Variants in SMYD3 observed in about 807,000 individuals in gnomAD.
SMYD3 encodes histone-lysine N-methyltransferase SMYD3.
In SMYD3, 36 loss-of-function variants were observed where a neutral mutation model predicts 57.7. That is an observed-to-expected ratio of 0.62 (90% CI 0.48 to 0.82). The LOEUF (loss-of-function observed/expected upper bound fraction) is 0.82, where lower values mean the gene tolerates loss of function less well. SMYD3 is among the 40% of genes least tolerant of loss of function. The pLI, the probability that SMYD3 is intolerant of heterozygous loss-of-function variation, is 0.00. For missense variants in SMYD3, 515 were observed against 538.8 expected, an observed-to-expected ratio of 0.96 and a Z score of 0.44; for synonymous variants, 211 against 195.0, an observed-to-expected ratio of 1.08 and a Z score of -0.68.
intron 5 of SMYD3, among the ~76,000 whole-genome samples, chr1:246,067,039 A>C (rs1484352734): frequency 3.3e-5 from 5 of 152,234 alleles, no homozygotes. Flanking sequence ...AATAAAAGTA[A>C]AAATTCCGGT....
chr1:245,771,242 A>G (rs2046326215), intron 10 of SMYD3, among the ~76,000 whole-genome samples: 1 of 152,188 alleles, frequency 6.6e-6, no homozygotes, highest in Non-Finnish European at 1.5e-5. Flanking sequence ...CACAGAAACT[A>G]CAATAATTCA....
intron 7 of SMYD3, among the ~76,000 whole-genome samples, chr1:245,917,542 G>T (rs2055530108): frequency 1.3e-5 from 2 of 151,974 alleles, no homozygotes. Flanking sequence ...CTACCTCAAG[G>T]CCTGTGCACT....
At chr1:245,815,240 G>A (rs2048734847) in intron 10 of SMYD3, among the ~76,000 whole-genome samples, 1 of 152,204 alleles carries the variant, frequency 6.6e-6, no homozygotes, top group Admixed American at 6.5e-5. Context: ...ACACACACAG[G>A]AAGCAACTGT....
At chr1:245,806,669 G>A (rs1239266699) in intron 10 of SMYD3, among the ~76,000 whole-genome samples, 1 of 152,080 alleles carries the variant, frequency 6.6e-6, no homozygotes, top group Non-Finnish European at 1.5e-5. Context: ...CCAGCACTTT[G>A]GGAGGCCGAG....
chr1:245,978,023 G>A (rs1022389247), intron 5 of SMYD3, among the ~76,000 whole-genome samples: 2 of 152,218 alleles, frequency 1.3e-5, no homozygotes, highest in African/African-American at 4.8e-5. Flanking sequence ...TGCAAGCCCA[G>A]TCTCACCCCA....
intron 7 of SMYD3, among the ~76,000 whole-genome samples, chr1:245,920,429 A>C (rs957824806): frequency 1.4e-4 from 21 of 152,126 alleles, no homozygotes; most frequent in African/African-American, 4.8e-4. Flanking sequence ...TCTGAACTGG[A>C]AAAAAGCCTG....
chr1:246,058,781 T>C (rs536518512), intron 5 of SMYD3, among the ~76,000 whole-genome samples: 2 of 152,214 alleles, frequency 1.3e-5, no homozygotes, highest in African/African-American at 4.8e-5. Context: ...ATTTTCAAAA[T>C]TAAATAGTAT....
intron 5 of SMYD3, among the ~76,000 whole-genome samples, chr1:246,013,270 C>A (rs57285525): frequency 0.032 from 4,888 of 152,310 alleles, 256 homozygotes; most frequent in African/African-American, 0.11. Context: ...ACCTCCACCT[C>A]CTGGGTTCAA....
chr1:246,141,051 G>A (rs1331302963), intron 5 of SMYD3, among the ~76,000 whole-genome samples: 2 of 152,280 alleles, frequency 1.3e-5, no homozygotes, highest in South Asian at 4.1e-4. Flanking sequence ...CAAGTGGGCA[G>A]GCTTCATTCA....
At chr1:246,260,236 C>T (rs2063979649) in intron 5 of SMYD3, among the ~76,000 whole-genome samples, 1 of 152,158 alleles carries the variant, frequency 6.6e-6, no homozygotes, top group Non-Finnish European at 1.5e-5. Context: ...TTGCGTGGCT[C>T]AGGCTGCTGA....
intron 10 of SMYD3, among the ~76,000 whole-genome samples, chr1:245,812,165 G>A (rs762194331): frequency 6.6e-6 from 1 of 152,114 alleles, no homozygotes; most frequent in East Asian, 1.9e-4. Flanking sequence ...ACTTTACCTC[G>A]GTGGACCTTT....
rs200209841 is a variant in SMYD3, at chr1:246,442,548, C to CA, written c.164+64505dup. 1.2e-4 allele frequency among the ~76,000 whole-genome samples: 17 copies of CA among 144,080 alleles called. 1 individual carries two copies. The South Asian group carries it at 1.3e-3, about 11-fold the overall frequency. The allele number at this position is 144,080 out of a possible 152,430, so 94.5% of individuals were successfully genotyped here. A position where few individuals can be genotyped will look rare whatever the true frequency, so the allele number is the denominator to read the frequency against. On this transcript the variant is annotated intron_variant, in intron 1 of 11. Transcript: ENST00000490107. The stretch of plus-strand genomic sequence containing the variant: ...GGGCTATAAGAGCGAAACCCCTTCT[C>CA]AAAAAAAAATAAAATAATAAAAAAA...
At chr1:246,298,716 T>C (rs1197468272) in intron 5 of SMYD3, among the ~76,000 whole-genome samples, 1 of 151,912 alleles carries the variant, frequency 6.6e-6, no homozygotes, top group Non-Finnish European at 1.5e-5. Context: ...TACTTCATCA[T>C]ATAAAGAAGG....
chr1:246,042,757 C>T (rs994591322), intron 5 of SMYD3, among the ~76,000 whole-genome samples: 1 of 68,366 alleles, frequency 1.5e-5, no homozygotes, highest in Non-Finnish European at 2.5e-5. Flanking sequence ...CACTTCAAAG[C>T]CTTTCTGAAC....
At chr1:246,104,484 T>A (rs2061080441) in intron 5 of SMYD3, among the ~76,000 whole-genome samples, 1 of 152,170 alleles carries the variant, frequency 6.6e-6, no homozygotes, top group South Asian at 2.1e-4. Flanking sequence ...GGCTGATCCA[T>A]CAAAATGCAG....
intron 1 of SMYD3, among the ~76,000 whole-genome samples, chr1:246,504,771 G>C (rs1289861258): frequency 2.0e-5 from 3 of 152,114 alleles, no homozygotes; most frequent in African/African-American, 7.2e-5. Context: ...TTAGACACTG[G>C]GGCTACAAAA....
At chr1:246,065,733 G>A (rs2060329557) in intron 5 of SMYD3, among the ~76,000 whole-genome samples, 1 of 152,136 alleles carries the variant, frequency 6.6e-6, no homozygotes, top group South Asian at 2.1e-4. Flanking sequence ...TGTTCTCAAA[G>A]CCCTGTTAAT....
chr1:246,383,998 T>C (rs187088363), intron 1 of SMYD3, among the ~76,000 whole-genome samples: 3 of 152,174 alleles, frequency 2.0e-5, no homozygotes, highest in Admixed American at 6.5e-5. Context: ...ATGGTGAGTC[T>C]GATTAGTCAG....
intron 5 of SMYD3, among the ~76,000 whole-genome samples, chr1:246,199,001 C>T (rs2062867409): frequency 6.6e-6 from 1 of 152,044 alleles, no homozygotes; most frequent in Non-Finnish European, 1.5e-5. Flanking sequence ...TTCGGGGGTA[C>T]ATCCACAGGC....
Sources: allele counts gnomAD v4.1 joint callset (sites outside exome capture counted in the v4.1 genomes callset), GRCh38; gene constraint gnomAD v4.1.1; transcripts MANE v1.5; gene names NCBI Gene and HGNC (gene_info 2026-07-23, HGNC 2026-07-21).